Variants in RGS5 observed in about 807,000 individuals in gnomAD.
RGS5 encodes the protein regulator of G-protein signalling 5.
A neutral mutation model predicts 18.9 loss-of-function variants in RGS5; 20 were observed. The observed-to-expected ratio is 1.06, with a 90% CI of 0.74 to 1.54. RGS5 has a LOEUF of 1.54. Ranked by LOEUF, RGS5 falls within the 40% of genes most tolerant of loss-of-function variation. RGS5 has a pLI of 0.00. For missense variants in RGS5, 201 were observed against 211.8 expected (o/e 0.95, Z 0.32); for synonymous variants, 57 against 76.2 (o/e 0.75, Z 1.31).
intron 1 of RGS5, chr1:163,308,638 T>C (rs562384787): frequency 6.6e-6 from 1 of 152,278 alleles, no homozygotes; most frequent in South Asian, 2.1e-4. Context: ...TTCACTGTCA[T>C]GAGAATAAAA....
Position 163,152,540 on chromosome 1 carries a change from A to C in RGS5, c.384+10T>G. On this transcript the variant is annotated intron_variant, in intron 4 of 4. Coordinates refer to ENST00000313961, the MANE Select transcript of RGS5 (RefSeq NM_003617.4). The stretch of plus-strand genomic sequence containing the variant: ...CTGCCCTTAACTGACCCACCTACCC[A>C]GAGACCAACCTCTTTAGGAGCCTCC... The C allele has an allele frequency of 1.2e-6, 2 of 1,606,686 alleles. No individual in the cohort carries two copies. The highest frequency in any genetic ancestry group is 1.7e-6 in the Non-Finnish European group (2 of 1,176,722).
At chr1:163,273,533 TCTG>T (rs1386450127) in intron 2 of RGS5, among the ~76,000 whole-genome samples, 1 of 152,184 alleles carries the variant, frequency 6.6e-6, no homozygotes, top group Non-Finnish European at 1.5e-5. Context: ...GATTTTTATC[TCTG>T]CTGAAATTTT....
At chr1:163,307,472 G>C (rs1331685611) in intron 1 of RGS5, among the ~76,000 whole-genome samples, 6 of 152,042 alleles carry the variant, frequency 3.9e-5, no homozygotes, top group Non-Finnish European at 8.8e-5. Context: ...TTACTAAGCA[G>C]GAATCAATAC....
chr1:163,285,981 AC>A (rs1649133937), intron 2 of RGS5, among the ~76,000 whole-genome samples: 1 of 137,568 alleles, frequency 7.3e-6, no homozygotes, highest in Non-Finnish European at 1.6e-5. Flanking sequence ...ACAGACTCAT[AC>A]AAGTATTTAA....
intron 1 of RGS5, among the ~76,000 whole-genome samples, chr1:163,202,297 T>G (rs1281886039): frequency 4.6e-5 from 7 of 152,128 alleles, no homozygotes; most frequent in Non-Finnish European, 1.0e-4. Context: ...TGGTTCTGAG[T>G]GCTTCATATA....
intron 2 of RGS5, chr1:163,238,178 A>T (rs896096992): frequency 6.6e-6 from 1 of 152,392 alleles, no homozygotes; most frequent in African/African-American, 2.4e-5. Flanking sequence ...GTTACAGATC[A>T]CGACTGGCTG....
At chr1:163,277,445 A>C (rs1422696318) in intron 2 of RGS5, among the ~76,000 whole-genome samples, 1 of 152,190 alleles carries the variant, frequency 6.6e-6, no homozygotes, top group Non-Finnish European at 1.5e-5. Flanking sequence ...TTTTTGGTTC[A>C]CACTATTAAT....
intron 1 of RGS5, among the ~76,000 whole-genome samples, chr1:163,172,825 GA>G (rs1448974565): frequency 6.6e-6 from 1 of 152,176 alleles, no homozygotes; most frequent in East Asian, 1.9e-4. Context: ...GAGAAATGCT[GA>G]AGTTCAAATC....
intron 3 of RGS5, among the ~76,000 whole-genome samples, chr1:163,158,406 G>A (rs192908480): frequency 6.6e-6 from 1 of 152,140 alleles, no homozygotes; most frequent in East Asian, 1.9e-4. Flanking sequence ...AATTAGAGAG[G>A]GGTATCGGGC....
At chr1:163,201,292 A>G (rs2101660587) in intron 1 of RGS5, among the ~76,000 whole-genome samples, 1 of 152,300 alleles carries the variant, frequency 6.6e-6, no homozygotes, top group South Asian at 2.1e-4. Context: ...GGAAAGGCAC[A>G]GAAAACTTTC....
intron 1 of RGS5, 134 bp from the exon 2 acceptor site, chr1:163,168,502 G>C (rs574764583): frequency 4.6e-6 from 3 of 652,068 alleles, no homozygotes; most frequent in Non-Finnish European, 8.1e-6. Flanking sequence ...GTGGCAGAAA[G>C]AATACTAATG....
At chr1:163,293,516 G>T (rs1649348222) in intron 2 of RGS5, among the ~76,000 whole-genome samples, 1 of 152,158 alleles carries the variant, frequency 6.6e-6, no homozygotes, top group African/African-American at 2.4e-5. Context: ...ACACTTAGGG[G>T]TTAAAATTTG....
rs1657127898 is a variant in RGS5 at position 163,146,329 on chromosome 1, A to C, written c.*1013T>G. 6.6e-6 allele frequency: 1 copy of C among 152,074 alleles called. No homozygotes were observed. Among genetic ancestry groups the C allele is most frequent in the Non-Finnish European group, 1.5e-5 (1 of 67,996 alleles). The allele number at this position is 152,074 out of a possible 1,614,324, so 9.4% of individuals were successfully genotyped here. Reference sequence around the variant, plus strand: ...CCTGTAATCACATTAATTTTTCTAAAGACAATTTGGTGTTTTGAAGATAAA... The same window carrying C: ...CCTGTAATCACATTAATTTTTCTAACGACAATTTGGTGTTTTGAAGATAAA... On this transcript the variant is annotated 3_prime_UTR_variant, in exon 5 of 5. Coordinates refer to ENST00000313961, the MANE Select transcript of RGS5 (RefSeq NM_003617.4).
intron 2 of RGS5, among the ~76,000 whole-genome samples, chr1:163,163,380 A>G (rs894119086): frequency 6.6e-6 from 1 of 152,206 alleles, no homozygotes; most frequent in Non-Finnish European, 1.5e-5. Context: ...AAATACAGGC[A>G]TCATAGATGG....
At chr1:163,205,762 T>G (rs978994567), upstream of RGS5, among the ~76,000 whole-genome samples, 3 of 152,226 alleles carry the variant, frequency 2.0e-5, no homozygotes, top group African/African-American at 7.2e-5. Flanking sequence ...TTTCATCAGA[T>G]GAAAAGGATC....
intron 1 of RGS5, among the ~76,000 whole-genome samples, chr1:163,215,329 A>G (rs532697153): frequency 6.6e-6 from 1 of 152,278 alleles, no homozygotes; most frequent in South Asian, 2.1e-4. Flanking sequence ...TAGCTATGTG[A>G]CCTTAGGCAA....
upstream of RGS5, among the ~76,000 whole-genome samples, chr1:163,206,195 T>C (rs1659949788): frequency 6.6e-6 from 1 of 152,190 alleles, no homozygotes; most frequent in Non-Finnish European, 1.5e-5. Flanking sequence ...GTCCCTGGAC[T>C]TTATATTAAA....
At chr1:163,148,940 G>C (rs531965723) in intron 4 of RGS5, among the ~76,000 whole-genome samples, 4 of 152,210 alleles carry the variant, frequency 2.6e-5, no homozygotes, top group African/African-American at 9.6e-5. Flanking sequence ...AGAGGTTTTT[G>C]GTACTGAATA....
At chr1:163,204,631 G>T (rs920628921), upstream of RGS5, among the ~76,000 whole-genome samples, 1 of 152,098 alleles carries the variant, frequency 6.6e-6, no homozygotes, top group Non-Finnish European at 1.5e-5. Flanking sequence ...ACAATGTCAG[G>T]CACATAGACA....
Sources: gnomAD v4.1 joint callset for allele counts (sites outside exome capture counted in the v4.1 genomes callset) on GRCh38, gnomAD v4.1.1 for gene constraint, MANE v1.5 for transcripts, NCBI Gene and HGNC (gene_info 2026-07-23, HGNC 2026-07-21) for gene names.